The following PKP2 variants were observed in gnomAD, a reference collection of about 807,000 sequenced individuals.
PKP2 encodes the protein plakophilin-2.
Under a neutral mutation model 83.4 loss-of-function variants are expected in PKP2, and 73 were observed. The ratio of observed to expected loss-of-function variants is 0.88; its 90% confidence interval spans 0.72 to 1.06. The LOEUF is 1.06. Ranked by LOEUF, PKP2 falls within the 50% of genes least tolerant of loss-of-function variation. PKP2 has a pLI of 0.00. For synonymous variants in PKP2, 409 were observed against 430.4 expected, an observed-to-expected ratio of 0.95 and a Z score of 0.62; for missense variants, 966 against 1,065.4, an observed-to-expected ratio of 0.91 and a Z score of 1.30.
intron 4 of PKP2, among the ~76,000 whole-genome samples, chr12:32,857,948 C>G (rs1316828752): frequency 1.6e-4 from 24 of 147,134 alleles, no homozygotes; most frequent in Non-Finnish European, 7.4e-5. Context: ...GGGAATAGGC[C>G]CTGGTGTGGT....
At chr12:32,856,781 G>C (rs1311768887) in intron 4 of PKP2, among the ~76,000 whole-genome samples, 1 of 151,876 alleles carries the variant, frequency 6.6e-6, no homozygotes, top group Non-Finnish European at 1.5e-5. Flanking sequence ...GATTCAAAGA[G>C]TGTTCACGTT....
chr12:32,829,903 C>T (rs1415638954), intron 6 of PKP2, among the ~76,000 whole-genome samples: 3 of 151,846 alleles, frequency 2.0e-5, no homozygotes, highest in African/African-American at 4.8e-5. Flanking sequence ...TCAGGTGATC[C>T]GCCTGCCTCA....
At chr12:32,871,428 T>C (rs1956895715) in intron 3 of PKP2, among the ~76,000 whole-genome samples, 1 of 151,928 alleles carries the variant, frequency 6.6e-6, no homozygotes, top group South Asian at 2.1e-4. Flanking sequence ...TCTGAATAGC[T>C]GGGACTACAG....
At chr12:32,821,294 G>A in intron 9 of PKP2, 62 bp downstream of exon 9, 3 of 1,366,494 alleles carry the variant, frequency 2.2e-6, no homozygotes, top group Non-Finnish European at 1.0e-6. Context: ...TCTCTGAATT[G>A]AATGTAGGTA....
chr12:32,834,949 A>T (rs1446168502), intron 6 of PKP2, among the ~76,000 whole-genome samples: 1 of 139,512 alleles, frequency 7.2e-6, no homozygotes, highest in Non-Finnish European at 1.6e-5. Context: ...ACACTAAATT[A>T]AAAAAAAAAA....
intron 9 of PKP2, chr12:32,820,586 T>C (rs1956366477): frequency 6.6e-6 from 1 of 152,256 alleles, no homozygotes; most frequent in Non-Finnish European, 1.5e-5. Flanking sequence ...TCTGCTGTTG[T>C]TTTTGCCTTC....
chr12:32,896,092 A>C (rs1008249014), intron 1 of PKP2, among the ~76,000 whole-genome samples: 16 of 152,114 alleles, frequency 1.1e-4, no homozygotes, highest in African/African-American at 3.9e-4. Context: ...TTATTTAACA[A>C]ATCTAATAAA....
At chr12:32,856,675 C>T (rs533032212) in intron 4 of PKP2, among the ~76,000 whole-genome samples, 2 of 151,732 alleles carry the variant, frequency 1.3e-5, no homozygotes, top group South Asian at 4.2e-4. Flanking sequence ...ATGGGTGCAG[C>T]ACACTAACAT....
chr12:32,873,820 G>A (rs1261220523), intron 3 of PKP2, among the ~76,000 whole-genome samples: 5 of 152,116 alleles, frequency 3.3e-5, no homozygotes, highest in South Asian at 2.1e-4. Context: ...GTGAGCCACC[G>A]CGTCCGGCCC....
chr12:32,858,747 T>G (rs1391167953), intron 4 of PKP2, among the ~76,000 whole-genome samples: 1 of 150,654 alleles, frequency 6.6e-6, no homozygotes, highest in Non-Finnish European at 1.5e-5. Flanking sequence ...GGTAAAGAAC[T>G]GTAAGTCATT....
intron 6 of PKP2, among the ~76,000 whole-genome samples, chr12:32,833,136 G>C (rs1325406460): frequency 6.6e-6 from 1 of 152,140 alleles, no homozygotes; most frequent in Non-Finnish European, 1.5e-5. Context: ...CCAGCTACTC[G>C]GGAGGCTGAG....
chr12:32,858,090 T>A (rs370633467), intron 4 of PKP2, among the ~76,000 whole-genome samples: 17,058 of 56,826 alleles, frequency 0.3, 3,630 homozygotes, highest in Non-Finnish European at 0.43. Flanking sequence ...AAAAAATATA[T>A]ATATATATAT....
intron 4 of PKP2, among the ~76,000 whole-genome samples, chr12:32,856,138 T>C (rs1956746210): frequency 6.6e-6 from 1 of 152,212 alleles, no homozygotes; most frequent in Non-Finnish European, 1.5e-5. Flanking sequence ...ATTTGTTTTA[T>C]AGTAAGTTTT....
chr12:32,868,447 C>T (rs778906886), intron 4 of PKP2, among the ~76,000 whole-genome samples: 2 of 152,054 alleles, frequency 1.3e-5, no homozygotes, highest in Non-Finnish European at 2.9e-5. Context: ...GAACTCCTTG[C>T]CTCAAGTGAT....
At chr12:32,889,872 C>A (rs958545525) in intron 1 of PKP2, among the ~76,000 whole-genome samples, 9 of 151,764 alleles carry the variant, frequency 5.9e-5, no homozygotes, top group African/African-American at 1.7e-4. Flanking sequence ...GTCAGGAGAT[C>A]GAGACCATCC....
At chr12:32,851,276 G>A (rs909474861) in intron 4 of PKP2, among the ~76,000 whole-genome samples, 4 of 152,130 alleles carry the variant, frequency 2.6e-5, no homozygotes, top group Admixed American at 2.6e-4. Context: ...TAAAAGCTTG[G>A]AGCATAATAA....
intron 3 of PKP2, among the ~76,000 whole-genome samples, 161 bp downstream of exon 3, chr12:32,877,684 GC>G (rs1179587637): frequency 6.6e-6 from 1 of 152,216 alleles, no homozygotes; most frequent in Non-Finnish European, 1.5e-5. Flanking sequence ...AGGTAAATAG[GC>G]TGATCTGTCA....
At chr12:32,832,487 T>A (rs187992234) in intron 6 of PKP2, among the ~76,000 whole-genome samples, 1 of 152,334 alleles carries the variant, frequency 6.6e-6, no homozygotes, top group African/African-American at 2.4e-5. Context: ...GTTATGATAG[T>A]ATAACATTAG....
rs869148477 is a variant in PKP2, at chr12:32,858,084, AATATATATAT to A, written c.1171-7121_1171-7112del. Reference sequence around the variant, plus strand: ...CTCTACAAAAAAAAAAAAAAAAAAAAATATATATATATATATATATATATATATATATTTA... The same window carrying A: ...CTCTACAAAAAAAAAAAAAAAAAAAAATATATATATATATATATATATTTA... On this transcript the variant is annotated intron_variant, in intron 4 of 12. Coordinates refer to ENST00000340811, the MANE Select transcript of PKP2 (RefSeq NM_001005242.3). 1.8e-3 allele frequency among the ~76,000 whole-genome samples: 120 copies of A among 67,006 alleles called. 2 individuals are homozygous for A. Among genetic ancestry groups the A allele is most frequent in the African/African-American group, 8.0e-3 (100 of 12,474 alleles). The allele number at this position is 67,006 out of a possible 152,430, so 44.0% of individuals were successfully genotyped here.
Sources: allele counts gnomAD v4.1 joint callset (sites outside exome capture counted in the v4.1 genomes callset), GRCh38; gene constraint gnomAD v4.1.1; transcripts MANE v1.5; gene names NCBI Gene and HGNC (gene_info 2026-07-23, HGNC 2026-07-21).